FHOD3: variants seen among roughly 807,000 people sequenced by gnomAD.
FHOD3 encodes FH1/FH2 domain-containing protein 3.
In FHOD3, 90 loss-of-function variants were observed where a neutral mutation model predicts 173.0. That is an observed-to-expected ratio of 0.52 (90% CI 0.44 to 0.62). FHOD3 has a LOEUF of 0.62. FHOD3 is among the 20% of genes least tolerant of loss of function. The pLI is 0.00. For synonymous variants in FHOD3, 828 were observed against 823.0 expected, an observed-to-expected ratio of 1.01 and a Z score of -0.10; for missense variants, 1,945 against 2,034.7, an observed-to-expected ratio of 0.96 and a Z score of 0.85.
intron 19 of FHOD3, among the ~76,000 whole-genome samples, chr18:36,727,990 C>T (rs1600444360): frequency 6.6e-6 from 1 of 152,212 alleles, no homozygotes; most frequent in Admixed American, 6.5e-5. Flanking sequence ...TCACAAGACA[C>T]CTGCTACTGC....
intron 1 of FHOD3, among the ~76,000 whole-genome samples, chr18:36,346,845 C>G (rs564177930): frequency 4.6e-5 from 7 of 152,208 alleles, no homozygotes; most frequent in African/African-American, 1.4e-4. Flanking sequence ...CCTCCATGGC[C>G]GGTGGCCTGC....
At chr18:36,743,121 A>G (rs1209120636) in intron 22 of FHOD3, among the ~76,000 whole-genome samples, 1 of 151,946 alleles carries the variant, frequency 6.6e-6, no homozygotes, top group Non-Finnish European at 1.5e-5. Context: ...CATCCTGGCT[A>G]ACACGGTGAA....
At chr18:36,620,219 C>CTGAA (rs544923121) in intron 9 of FHOD3, among the ~76,000 whole-genome samples, 268 of 152,340 alleles carry the variant, frequency 1.8e-3, no homozygotes, top group African/African-American at 6.1e-3. Context: ...CAAGATGTGT[C>CTGAA]TGAAGTTTCA....
intron 3 of FHOD3, among the ~76,000 whole-genome samples, chr18:36,435,406 C>A (rs1006718805): frequency 3.3e-5 from 5 of 151,850 alleles, no homozygotes; most frequent in African/African-American, 1.2e-4. Flanking sequence ...AGAAAGAATC[C>A]AGTTAAAGAG....
chr18:36,556,747 T>C (rs779109036), intron 5 of FHOD3, among the ~76,000 whole-genome samples: 3 of 152,188 alleles, frequency 2.0e-5, no homozygotes, highest in Non-Finnish European at 4.4e-5. Flanking sequence ...TATTTACCCT[T>C]GTAGTTATCT....
intron 1 of FHOD3, among the ~76,000 whole-genome samples, chr18:36,325,842 C>A (rs1453537582): frequency 2.0e-5 from 3 of 152,198 alleles, no homozygotes; most frequent in Non-Finnish European, 4.4e-5. Context: ...AATGCTAAGA[C>A]TTCAGAATGT....
At chr18:36,387,075 C>T (rs542618874) in intron 3 of FHOD3, among the ~76,000 whole-genome samples, 1 of 152,224 alleles carries the variant, frequency 6.6e-6, no homozygotes, top group Non-Finnish European at 1.5e-5. Context: ...AATACCCTCC[C>T]CACCCCAAAA....
chr18:36,350,673 T>C (rs553482182), intron 1 of FHOD3, among the ~76,000 whole-genome samples: 1 of 152,138 alleles, frequency 6.6e-6, no homozygotes, highest in Non-Finnish European at 1.5e-5. Flanking sequence ...TAAGTAAGAA[T>C]TGAGATTCCC....
chr18:36,414,351 A>G (rs1012064561), intron 3 of FHOD3, among the ~76,000 whole-genome samples: 5 of 152,204 alleles, frequency 3.3e-5, no homozygotes, highest in Admixed American at 1.3e-4. Flanking sequence ...ACCAAATCCT[A>G]CTGACCTCAG....
At chr18:36,708,664 C>G (rs1217070369) in intron 17 of FHOD3, among the ~76,000 whole-genome samples, 1 of 152,132 alleles carries the variant, frequency 6.6e-6, no homozygotes, top group African/African-American at 2.4e-5. Context: ...GTTCCTTGTG[C>G]CCACAGAACT....
At chr18:36,479,556 A>T (rs997423349) in intron 3 of FHOD3, among the ~76,000 whole-genome samples, 2 of 151,982 alleles carry the variant, frequency 1.3e-5, no homozygotes, top group Non-Finnish European at 2.9e-5. Flanking sequence ...TGTAAGGAAC[A>T]TTCAGTTGCT....
intron 1 of FHOD3, among the ~76,000 whole-genome samples, chr18:36,335,706 G>A (rs922613065): frequency 6.6e-6 from 1 of 152,096 alleles, no homozygotes; most frequent in Non-Finnish European, 1.5e-5. Flanking sequence ...CTGCCTGGAG[G>A]AAGTGTCCAG....
intron 5 of FHOD3, among the ~76,000 whole-genome samples, chr18:36,552,502 C>CTTTTTTT (rs200765398): frequency 7.0e-6 from 1 of 142,056 alleles, no homozygotes; most frequent in Admixed American, 7.1e-5. Context: ...TTTTCTTTTT[C>CTTTTTTT]TTTTTTTTTT....
At chr18:36,595,390 C>T (rs1308793855) in intron 7 of FHOD3, among the ~76,000 whole-genome samples, 3 of 152,210 alleles carry the variant, frequency 2.0e-5, no homozygotes, top group African/African-American at 7.2e-5. Flanking sequence ...ACATCCAAAA[C>T]CTGCCAGTGG....
chr18:36,768,083 A>G (rs2043217992), intron 27 of FHOD3, among the ~76,000 whole-genome samples: 1 of 152,348 alleles, frequency 6.6e-6, no homozygotes, highest in South Asian at 2.1e-4. Flanking sequence ...CTTGTGTGCC[A>G]TAGGCAATGA....
At chr18:36,336,007 A>G (rs55645248) in intron 1 of FHOD3, among the ~76,000 whole-genome samples, 18,366 of 152,146 alleles carry the variant, frequency 0.12, 3,701 homozygotes, top group African/African-American at 0.41. Context: ...TAGGACATAC[A>G]ACGTGTTCTT....
intron 14 of FHOD3, among the ~76,000 whole-genome samples, chr18:36,670,315 A>C (rs1231649625): frequency 6.6e-6 from 1 of 152,104 alleles, no homozygotes; most frequent in Non-Finnish European, 1.5e-5. Context: ...TTTCTTTAAA[A>C]ATGTTTGGTA....
At chr18:36,360,553 A>T (rs2046558924) in intron 2 of FHOD3, among the ~76,000 whole-genome samples, 1 of 152,224 alleles carries the variant, frequency 6.6e-6, no homozygotes, top group Admixed American at 6.5e-5. Context: ...AAGAAGGGCC[A>T]TGCAGAGTCC....
chr18:36,369,832 C>T (rs964719855), intron 2 of FHOD3, among the ~76,000 whole-genome samples: 3 of 152,024 alleles, frequency 2.0e-5, no homozygotes, highest in African/African-American at 7.2e-5. Flanking sequence ...TCTTTTTATC[C>T]TTTGTAAGCC....
Sources: allele counts gnomAD v4.1 joint callset (sites outside exome capture counted in the v4.1 genomes callset), GRCh38; gene constraint gnomAD v4.1.1; transcripts MANE v1.5; gene names NCBI Gene and HGNC (gene_info 2026-07-23, HGNC 2026-07-21).